PRKAG2: variants seen among roughly 807,000 people sequenced by gnomAD.
PRKAG2 encodes protein kinase AMP-activated non-catalytic subunit gamma 2, also known as 5'-AMP-activated protein kinase subunit gamma-2.
PRKAG2 carries 26 observed loss-of-function variants against 69.6 expected under a neutral mutation model. The observed-to-expected ratio is 0.37, with a 90% CI of 0.27 to 0.52. PRKAG2 has a LOEUF of 0.52. Among genes scored for constraint, PRKAG2 ranks in the 20% least tolerant of loss-of-function variants. The probability of loss-of-function intolerance (pLI) is 0.90; values close to 1 mark genes in which losing one functional copy is unlikely to be tolerated. For synonymous variants in PRKAG2, 293 were observed against 285.0 expected, an observed-to-expected ratio of 1.03 and a Z score of -0.28; for missense variants, 557 against 740.0, an observed-to-expected ratio of 0.75 and a Z score of 2.87.
intron 14 of PRKAG2, 117 bp from the exon 15 acceptor site, chr7:151,560,734 G>T (rs1348369211): frequency 1.5e-6 from 2 of 1,319,034 alleles, no homozygotes; most frequent in African/African-American, 2.9e-5. Flanking sequence ...CCAGCCTGGG[G>T]AATAGCAGTG....
At chr7:151,755,126 A>G (rs1436323454) in intron 3 of PRKAG2, among the ~76,000 whole-genome samples, 3 of 152,116 alleles carry the variant, frequency 2.0e-5, no homozygotes, top group Non-Finnish European at 4.4e-5. Flanking sequence ...CTTTATGTAC[A>G]TCGGCCGGTT....
intron 4 of PRKAG2, among the ~76,000 whole-genome samples, chr7:151,643,897 A>G (rs528982108): frequency 6.6e-6 from 1 of 152,390 alleles, no homozygotes; most frequent in East Asian, 1.9e-4. Flanking sequence ...AATACTATTC[A>G]GTCATAAAAA....
intron 7 of PRKAG2, 148 bp downstream of exon 7, chr7:151,576,222 TG>T: frequency 1.2e-6 from 1 of 829,180 alleles, no homozygotes; most frequent in Non-Finnish European, 2.0e-6. Context: ...ATTACGGGCA[TG>T]GGCCACTGCA....
At chr7:151,799,684 A>G (rs1410433316) in intron 1 of PRKAG2, among the ~76,000 whole-genome samples, 4 of 152,304 alleles carry the variant, frequency 2.6e-5, no homozygotes, top group East Asian at 1.9e-4. Context: ...GACACTCTGC[A>G]TGGAGGGGCT....
intron 3 of PRKAG2, among the ~76,000 whole-genome samples, chr7:151,760,356 C>T (rs1456154811): frequency 6.6e-6 from 1 of 152,186 alleles, no homozygotes; most frequent in African/African-American, 2.4e-5. Flanking sequence ...CCTGTCTCAG[C>T]CTCCTGAGTA....
chr7:151,692,952 C>G (rs1835922280), intron 3 of PRKAG2, among the ~76,000 whole-genome samples: 1 of 152,152 alleles, frequency 6.6e-6, no homozygotes, highest in Non-Finnish European at 1.5e-5. Context: ...AACTCCCTCC[C>G]CTCCTGGAGA....
intron 3 of PRKAG2, among the ~76,000 whole-genome samples, chr7:151,765,126 A>G (rs960312336): frequency 1.3e-5 from 2 of 152,202 alleles, no homozygotes; most frequent in African/African-American, 4.8e-5. Context: ...TCACACTGCT[A>G]GAAGGAACTA....
At chr7:151,838,867 T>C (rs1277894150) in intron 1 of PRKAG2, among the ~76,000 whole-genome samples, 2 of 151,762 alleles carry the variant, frequency 1.3e-5, no homozygotes, top group Non-Finnish European at 2.9e-5. Flanking sequence ...ATACAAAAAT[T>C]AGCCAGGCGT....
Position 151,557,199 on chromosome 7 carries a change from G to C in PRKAG2, c.*2C>G, listed in dbSNP as rs199559205. 6.2e-7 allele frequency: 1 copy of C among 1,614,090 alleles called. No homozygotes were observed. ...CTCCTAGGGCGTCTACATTCACGGC[G>C]GTCACTCCGTTTCTGTCTCCTTTTG... On this transcript the variant is annotated 3_prime_UTR_variant, in exon 16 of 16. Coordinates refer to ENST00000287878, the MANE Select transcript of PRKAG2 (RefSeq NM_016203.4).
rs565926143 is a variant in PRKAG2, at chr7:151,583,730, G to A, written c.865-7278C>T. Among the ~76,000 whole-genome samples, 22 of 152,222 alleles carry A rather than the reference G, an allele frequency of 1.4e-4. No homozygotes were observed. The highest frequency in any genetic ancestry group is 5.3e-4 in the African/African-American group (22 of 41,534). On this transcript the variant is annotated intron_variant, in intron 6 of 15. Coordinates refer to ENST00000287878, the MANE Select transcript of PRKAG2 (RefSeq NM_016203.4). This position sits in a 1 kb window ranked among gnomAD's most constrained non-coding sequence, Gnocchi z 4.1. ...AAATTTCTTTCCTTTTAACTGATAC[G>A]CAATTTGCTCAAACTATGATTAATT... is the stretch of plus-strand genomic sequence containing the variant.
intron 1 of PRKAG2, among the ~76,000 whole-genome samples, chr7:151,804,253 G>A (rs549777728): frequency 1.5e-4 from 23 of 152,282 alleles, no homozygotes; most frequent in Admixed American, 5.9e-4. Flanking sequence ...TGTAGGTGAC[G>A]CAGGCTGCTT....
rs1415786526 is a variant in PRKAG2, at chr7:151,773,036, AGAGAGAGAGAGAGAGAGGGAGG to A, written c.466+8094_466+8115del. Among the ~76,000 whole-genome samples, 629 of 33,138 alleles carry A rather than the reference AGAGAGAGAGAGAGAGAGGGAGG, an allele frequency of 0.019. 54 individuals carry two copies. In the East Asian group the frequency reaches 0.21, roughly 11 times the overall value. The allele number at this position is 33,138 out of a possible 152,430, so 21.7% of individuals were successfully genotyped here. A position where few individuals can be genotyped will look rare whatever the true frequency, so the allele number is the denominator to read the frequency against. ...AAGAAAGAAAGAAAGAGAGAGAGAG[AGAGAGAGAGAGAGAGAGGGAGG>A]GAGGGAGGGAGGGAGGGAGGGAGGG... is the stretch of plus-strand genomic sequence containing the variant. On this transcript the variant is annotated intron_variant, in intron 3 of 15. Transcript: ENST00000287878.
chr7:151,748,808 C>A (rs57035581), intron 3 of PRKAG2, among the ~76,000 whole-genome samples: 1 of 152,234 alleles, frequency 6.6e-6, no homozygotes, highest in African/African-American at 2.4e-5. Flanking sequence ...TCATCAGCAG[C>A]GGCAAGGAGG....
intron 1 of PRKAG2, among the ~76,000 whole-genome samples, chr7:151,855,601 C>T (rs970339432): frequency 1.4e-5 from 2 of 147,078 alleles, no homozygotes; most frequent in South Asian, 2.2e-4. Flanking sequence ...CCTCCACACA[C>T]GCCACCCTCC....
At chr7:151,802,927 A>G (rs2151840774) in intron 1 of PRKAG2, among the ~76,000 whole-genome samples, 1 of 139,592 alleles carries the variant, frequency 7.2e-6, no homozygotes, top group East Asian at 2.0e-4. Flanking sequence ...AGACATATAT[A>G]TGATATATAT....
chr7:151,766,510 A>C (rs952157004), intron 3 of PRKAG2, among the ~76,000 whole-genome samples: 1 of 152,258 alleles, frequency 6.6e-6, no homozygotes, highest in African/African-American at 2.4e-5. Context: ...CAGATCGTGG[A>C]TAAGTCCCAG....
At chr7:151,602,972 C>T (rs1041118515) in intron 5 of PRKAG2, among the ~76,000 whole-genome samples, 3 of 152,194 alleles carry the variant, frequency 2.0e-5, no homozygotes, top group African/African-American at 7.2e-5. Flanking sequence ...TCAATTAAAC[C>T]GCTTTCCTTT....
At chr7:151,629,966 A>C (rs1246917686) in intron 5 of PRKAG2, among the ~76,000 whole-genome samples, 1 of 152,238 alleles carries the variant, frequency 6.6e-6, no homozygotes, top group Admixed American at 6.5e-5. Context: ...AAGCAATTTA[A>C]AGTTCAAAAG....
intron 1 of PRKAG2, among the ~76,000 whole-genome samples, chr7:151,815,500 C>T (rs1197666709): frequency 1.3e-5 from 2 of 152,204 alleles, no homozygotes; most frequent in South Asian, 2.1e-4. Flanking sequence ...CAGCTAGGGA[C>T]AGCCCCTGTA....
Sources: allele counts gnomAD v4.1 joint callset (sites outside exome capture counted in the v4.1 genomes callset), GRCh38; gene constraint gnomAD v4.1.1; non-coding constraint Gnocchi (gnomAD v3.1); transcripts MANE v1.5; gene names NCBI Gene and HGNC (gene_info 2026-07-23, HGNC 2026-07-21).